Variants in CCDC149 observed in about 807,000 individuals in gnomAD.
CCDC149 encodes coiled-coil domain-containing protein 149.
Under a neutral mutation model 59.9 loss-of-function variants are expected in CCDC149, and 45 were observed. The observed-to-expected ratio is 0.75, with a 90% CI of 0.59 to 0.96. CCDC149 has a LOEUF of 0.96. CCDC149 is among the 40% of genes least tolerant of loss of function. The pLI, the probability that CCDC149 is intolerant of heterozygous loss-of-function variation, is 0.00. For synonymous variants in CCDC149, 245 were observed against 260.6 expected, an observed-to-expected ratio of 0.94 and a Z score of 0.58; for missense variants, 584 against 664.7, an observed-to-expected ratio of 0.88 and a Z score of 1.33.
intron 1 of CCDC149, among the ~76,000 whole-genome samples, chr4:24,932,659 C>A (rs1722629325): frequency 9.9e-5 from 15 of 152,094 alleles, no homozygotes; most frequent in Admixed American, 9.8e-4. Context: ...AAGCTGTAAT[C>A]CCCTCCCATT....
At chr4:24,813,383 C>T (rs1408257916) in intron 12 of CCDC149, among the ~76,000 whole-genome samples, 1 of 151,318 alleles carries the variant, frequency 6.6e-6, no homozygotes, top group African/African-American at 2.4e-5. Flanking sequence ...AGAAATGTTC[C>T]TTGCATCTGC....
intron 1 of CCDC149, among the ~76,000 whole-genome samples, chr4:24,940,114 T>G (rs1223371203): frequency 6.6e-6 from 1 of 151,992 alleles, no homozygotes; most frequent in East Asian, 1.9e-4. Flanking sequence ...AAAGTTGAAA[T>G]GAGGGAAAAA....
intron 1 of CCDC149, among the ~76,000 whole-genome samples, chr4:24,883,432 A>G (rs1205542748): frequency 6.9e-6 from 1 of 144,550 alleles, no homozygotes; most frequent in Non-Finnish European, 1.5e-5. Flanking sequence ...TTCAACAAAT[A>G]CTTGGTGAAA....
intron 1 of CCDC149, among the ~76,000 whole-genome samples, chr4:24,959,939 C>T (rs73250655): frequency 0.02 from 3,045 of 152,192 alleles, 48 homozygotes; most frequent in Non-Finnish European, 0.029. Context: ...AAAATGATAC[C>T]GGATGGAAAT....
chr4:24,974,504 C>T (rs1159675608), intron 1 of CCDC149, among the ~76,000 whole-genome samples: 1 of 152,202 alleles, frequency 6.6e-6, no homozygotes, highest in Non-Finnish European at 1.5e-5. Flanking sequence ...CCGGACCTTT[C>T]TGCATCTTTC....
chr4:24,883,358 C>T (rs13140360), intron 1 of CCDC149, among the ~76,000 whole-genome samples: 63,651 of 151,314 alleles, frequency 0.42, 14,519 homozygotes, highest in Non-Finnish European at 0.52. Context: ...TCTTACAAGC[C>T]GCCATTTTAA....
intron 1 of CCDC149, among the ~76,000 whole-genome samples, chr4:24,880,438 G>A (rs1224179193): frequency 6.6e-6 from 1 of 152,212 alleles, no homozygotes; most frequent in East Asian, 1.9e-4. Context: ...GTATATGCAT[G>A]TCTCATCAAA....
intron 1 of CCDC149, among the ~76,000 whole-genome samples, chr4:24,945,648 G>C (rs1284135924): frequency 7.0e-6 from 1 of 143,406 alleles, no homozygotes; most frequent in Non-Finnish European, 1.5e-5. Flanking sequence ...TTTAGTTGAA[G>C]TCTTGTTCTA....
intron 1 of CCDC149, among the ~76,000 whole-genome samples, chr4:24,937,977 G>A (rs1722831400): frequency 6.6e-6 from 1 of 151,934 alleles, no homozygotes; most frequent in East Asian, 1.9e-4. Flanking sequence ...TGTGTAGGGG[G>A]CTATTTGATA....
At chr4:24,823,830 C>T (rs1386285270) in intron 9 of CCDC149, among the ~76,000 whole-genome samples, 1 of 152,076 alleles carries the variant, frequency 6.6e-6, no homozygotes, top group East Asian at 1.9e-4. Flanking sequence ...TCTTCTTTTC[C>T]CTAAGTCTTA....
upstream of CCDC149, among the ~76,000 whole-genome samples, chr4:24,915,758 C>T (rs570262626): frequency 5.3e-5 from 8 of 152,168 alleles, no homozygotes; most frequent in Non-Finnish European, 8.8e-5. Flanking sequence ...AAACCTGCTT[C>T]GCTTGTGAGA....
chr4:24,904,735 AG>A (rs1416181718), intron 1 of CCDC149, among the ~76,000 whole-genome samples: 2 of 152,268 alleles, frequency 1.3e-5, no homozygotes, highest in Non-Finnish European at 2.9e-5. Context: ...CCATTCTAAT[AG>A]GTATGTTGTG....
intron 1 of CCDC149, among the ~76,000 whole-genome samples, chr4:24,942,549 C>A (rs1722983637): frequency 6.6e-6 from 1 of 152,130 alleles, no homozygotes; most frequent in Non-Finnish European, 1.5e-5. Flanking sequence ...CTAACCAGAG[C>A]AATCAGGCAG....
chr4:24,884,697 C>G (rs4697490), intron 1 of CCDC149, among the ~76,000 whole-genome samples: 63,921 of 152,122 alleles, frequency 0.42, 14,590 homozygotes, highest in Non-Finnish European at 0.52. Flanking sequence ...TACCTAGCCT[C>G]TCTGTGCCTC....
intron 1 of CCDC149, among the ~76,000 whole-genome samples, chr4:24,879,905 T>C (rs1255337078): frequency 6.6e-6 from 1 of 152,260 alleles, no homozygotes; most frequent in Middle Eastern, 3.4e-3. Context: ...CTGCACAGTC[T>C]CAAAAGTTAG....
At chr4:24,804,416 G>C (rs1037931405), downstream of CCDC149, among the ~76,000 whole-genome samples, 4 of 150,726 alleles carry the variant, frequency 2.7e-5, no homozygotes, top group African/African-American at 9.8e-5. Flanking sequence ...GCTTGAACTC[G>C]GGAAGTGGAG....
intron 1 of CCDC149, among the ~76,000 whole-genome samples, chr4:24,932,679 C>A (rs1409171881): frequency 6.6e-6 from 1 of 152,092 alleles, no homozygotes; most frequent in Non-Finnish European, 1.5e-5. Context: ...TGGTCATGAG[C>A]CTTCTACAGA....
intron 1 of CCDC149, among the ~76,000 whole-genome samples, chr4:24,906,859 G>A (rs1721567512): frequency 6.6e-6 from 1 of 152,150 alleles, no homozygotes; most frequent in South Asian, 2.1e-4. Context: ...CCTGAGGGGG[G>A]ATGAGGGAGG....
intron 1 of CCDC149, among the ~76,000 whole-genome samples, chr4:24,946,305 A>C (rs1723108562): frequency 6.6e-6 from 1 of 152,170 alleles, no homozygotes; most frequent in South Asian, 2.1e-4. Flanking sequence ...AGTCCCCAGT[A>C]TCCTTCCAAT....
Sources: allele counts gnomAD v4.1 joint callset (sites outside exome capture counted in the v4.1 genomes callset), GRCh38; gene constraint gnomAD v4.1.1; transcripts MANE v1.5; gene names NCBI Gene and HGNC (gene_info 2026-07-23, HGNC 2026-07-21).